LRP1B: variants seen among roughly 807,000 people sequenced by gnomAD.
LRP1B encodes low-density lipoprotein receptor-related protein 1B.
A neutral mutation model predicts 556.6 loss-of-function variants in LRP1B; 217 were observed. The observed-to-expected ratio is 0.39, with a 90% CI of 0.35 to 0.44. The LOEUF is 0.44. LRP1B is among the 20% of genes least tolerant of loss of function. The pLI, the probability that LRP1B is intolerant of heterozygous loss-of-function variation, is 1.00. For missense variants in LRP1B, 5,053 were observed against 5,620.8 expected (o/e 0.90, Z 3.23); for synonymous variants, 2,047 against 1,865.8 (o/e 1.10, Z -2.50).
intron 7 of LRP1B, among the ~76,000 whole-genome samples, chr2:141,097,178 T>A (rs1352051299): frequency 1.3e-5 from 2 of 152,226 alleles, no homozygotes; most frequent in Non-Finnish European, 2.9e-5. Flanking sequence ...ACAGAGTTAA[T>A]CATTGAATTC....
At chr2:140,920,781 T>A (rs1036551274) in intron 21 of LRP1B, among the ~76,000 whole-genome samples, 4 of 152,132 alleles carry the variant, frequency 2.6e-5, no homozygotes, top group East Asian at 1.9e-4. Flanking sequence ...GTGAAACATA[T>A]GTTTTATCAC....
intron 55 of LRP1B, among the ~76,000 whole-genome samples, chr2:140,499,986 G>A (rs1415223998): frequency 1.3e-5 from 2 of 151,878 alleles, no homozygotes; most frequent in Non-Finnish European, 2.9e-5. Flanking sequence ...TTGTACACAA[G>A]TGATCAATAA....
At chr2:140,697,257 C>A in intron 41 of LRP1B, among the ~76,000 whole-genome samples, 1 of 152,062 alleles carries the variant, frequency 6.6e-6, no homozygotes. Flanking sequence ...TAATTTACTA[C>A]GGTTGAAACA....
At chr2:141,808,783 C>G (rs1696244442) in intron 2 of LRP1B, among the ~76,000 whole-genome samples, 1 of 152,066 alleles carries the variant, frequency 6.6e-6, no homozygotes, top group Non-Finnish European at 1.5e-5. Context: ...CAACCCCTCT[C>G]CCACTTTCTG....
At chr2:141,294,932 G>A (rs1553489710) in intron 3 of LRP1B, among the ~76,000 whole-genome samples, 1 of 151,724 alleles carries the variant, frequency 6.6e-6, no homozygotes, top group Non-Finnish European at 1.5e-5. Context: ...ATTTAAAAAG[G>A]TAATAATAAT....
intron 2 of LRP1B, among the ~76,000 whole-genome samples, chr2:141,642,219 T>TAA (rs752229649): frequency 8.5e-5 from 13 of 152,142 alleles, no homozygotes; most frequent in Non-Finnish European, 1.8e-4. Flanking sequence ...ATCCAGTAAT[T>TAA]AACTTCACAA....
At chr2:140,524,552 G>T (rs1193037295) in intron 49 of LRP1B, among the ~76,000 whole-genome samples, 1 of 151,836 alleles carries the variant, frequency 6.6e-6, no homozygotes, top group Non-Finnish European at 1.5e-5. Flanking sequence ...TAATGTAGAT[G>T]TCCATCAGTG....
At chr2:141,766,829 C>T (rs954778413) in intron 2 of LRP1B, among the ~76,000 whole-genome samples, 2 of 152,148 alleles carry the variant, frequency 1.3e-5, no homozygotes, top group Non-Finnish European at 2.9e-5. Flanking sequence ...CATATAGCAA[C>T]TACCATGACA....
At chr2:141,083,340 CTG>C (rs1699971542) in intron 7 of LRP1B, among the ~76,000 whole-genome samples, 1 of 148,970 alleles carries the variant, frequency 6.7e-6, no homozygotes, top group South Asian at 2.1e-4. Context: ...AATATTCAGA[CTG>C]TGGTAAAATG....
intron 2 of LRP1B, among the ~76,000 whole-genome samples, chr2:141,500,829 A>G (rs1683687091): frequency 6.6e-6 from 1 of 152,088 alleles, no homozygotes; most frequent in African/African-American, 2.4e-5. Context: ...ATCCTTTGGG[A>G]TGATCTAGAG....
chr2:141,520,230 C>A (rs138461122), intron 2 of LRP1B, among the ~76,000 whole-genome samples: 1 of 152,064 alleles, frequency 6.6e-6, no homozygotes, highest in Non-Finnish European at 1.5e-5. Flanking sequence ...TAATAAAGGG[C>A]AATACCAGTG....
intron 1 of LRP1B, among the ~76,000 whole-genome samples, chr2:142,052,753 A>G (rs1478569850): frequency 6.6e-6 from 1 of 152,040 alleles, no homozygotes; most frequent in African/African-American, 2.4e-5. Context: ...CTTCTTTAAC[A>G]TGTGTGAAGA....
chr2:141,558,521 T>C (rs1686039867), intron 2 of LRP1B, among the ~76,000 whole-genome samples: 2 of 151,744 alleles, frequency 1.3e-5, no homozygotes, highest in Non-Finnish European at 2.9e-5. Flanking sequence ...AACAAATTCA[T>C]AGCAAAATTA....
chr2:141,254,467 T>TGCTCAAAGATGTCTGCTTACATTG, intron 4 of LRP1B, 55 bp downstream of exon 4: 1 of 1,567,584 alleles, frequency 6.4e-7, no homozygotes, highest in East Asian at 2.3e-5. Context: ...TGCTTACATT[T>TGCTCAAAGATGTCTGCTTACATTG]CTGTTAACTA....
intron 14 of LRP1B, among the ~76,000 whole-genome samples, chr2:141,013,306 G>A (rs1262728056): frequency 6.6e-6 from 1 of 151,902 alleles, no homozygotes; most frequent in Non-Finnish European, 1.5e-5. Context: ...ATCACATGAA[G>A]AGAAGGAAAT....
At chr2:141,850,982 C>A (rs574460641) in intron 1 of LRP1B, among the ~76,000 whole-genome samples, 1 of 151,770 alleles carries the variant, frequency 6.6e-6, no homozygotes, top group Non-Finnish European at 1.5e-5. Flanking sequence ...TGACAGCCTT[C>A]CCATAAAATA....
In LRP1B at chr2:140,297,808, A is replaced by G. The variant is rs1171380060; in HGVS notation, c.12967T>C (p.Tyr4323His). The change falls in exon 84 of 91, where the codon TAC becomes CAC. Residue 4323 changes from tyrosine to histidine, a missense_variant and splice_region_variant. Coordinates refer to ENST00000389484, the MANE Select transcript of LRP1B (RefSeq NM_018557.3). ...PEYTGDRCQY[Y>H]VCHHYCVNSE... The stretch of plus-strand genomic sequence containing the variant: ...GCTTCTGGGTGCTGCTTTTACTTAC[A>G]GTACTGACATCTGTCTCCGGTGTAT... 5.6e-6 allele frequency: 9 copies of G among 1,608,348 alleles called. No individual in the cohort carries two copies. Among genetic ancestry groups the G allele is most frequent in the Non-Finnish European group, 7.7e-6 (9 of 1,176,412 alleles).
At chr2:141,542,933 A>G (rs1685317683) in intron 2 of LRP1B, among the ~76,000 whole-genome samples, 1 of 152,174 alleles carries the variant, frequency 6.6e-6, no homozygotes, top group South Asian at 2.1e-4. Context: ...AGATTAAGGT[A>G]GTTTTTTATG....
chr2:141,098,268 T>TA lies in LRP1B; in HGVS notation c.1014-35996dup, dbSNP rs562872368. On this transcript the variant is annotated intron_variant, in intron 7 of 90. Transcript: ENST00000389484. Reference sequence around the variant, plus strand: ...TATAACAGGAAAATAAAATATCATATATGAATTTGAACAGAAAAAAATGGT... The same window carrying TA: ...TATAACAGGAAAATAAAATATCATATAATGAATTTGAACAGAAAAAAATGGT... Among the ~76,000 whole-genome samples, 1,226 of 152,290 alleles carry TA rather than the reference T, an allele frequency of 8.1e-3. 18 individuals carry two copies. Among genetic ancestry groups the TA allele is most frequent in the African/African-American group, 0.028 (1,178 of 41,560 alleles).
Sources: gnomAD v4.1 joint callset for allele counts (sites outside exome capture counted in the v4.1 genomes callset) on GRCh38, gnomAD v4.1.1 for gene constraint, MANE v1.5 for transcripts, NCBI Gene and HGNC (gene_info 2026-07-23, HGNC 2026-07-21) for gene names.